TTLL5: variants seen among roughly 807,000 people sequenced by gnomAD.
The protein encoded by TTLL5 is tubulin polyglutamylase TTLL5.
TTLL5 carries 132 observed loss-of-function variants against 168.4 expected under a neutral mutation model. The observed-to-expected ratio is 0.78, with a 90% CI of 0.68 to 0.91. The LOEUF is 0.91. Ranked by LOEUF, TTLL5 falls within the 40% of genes least tolerant of loss-of-function variation. The pLI, the probability that TTLL5 is intolerant of heterozygous loss-of-function variation, is 0.00. For missense variants in TTLL5, 1,545 were observed against 1,581.5 expected (o/e 0.98, Z 0.39); for synonymous variants, 546 against 558.6 (o/e 0.98, Z 0.32).
chr14:75,802,514 A>G (rs1272899730), intron 27 of TTLL5, among the ~76,000 whole-genome samples: 1 of 152,238 alleles, frequency 6.6e-6, no homozygotes, highest in Non-Finnish European at 1.5e-5. Context: ...TTTGGCCTAC[A>G]ATTTCAACTG....
Position 75,844,161 on chromosome 14 carries a change from G to A in TTLL5, c.3327-19506G>A, listed in dbSNP as rs150900858. On this transcript the variant is annotated intron_variant, in intron 28 of 31. Coordinates refer to ENST00000298832, the MANE Select transcript of TTLL5 (RefSeq NM_015072.5). The stretch of plus-strand genomic sequence containing the variant: ...CTCCCAAAGTGCTGGGATTACAGAC[G>A]TGAGCCGCCTGGCCTGGCTCATTTT... Among the ~76,000 whole-genome samples the A allele has an allele frequency of 4.6e-4, 70 of 152,176 alleles. No individual in the cohort carries two copies. In the Middle Eastern group the frequency reaches 0.02, roughly 44 times the overall value.
chr14:75,856,610 T>C (rs1285659455), intron 28 of TTLL5, among the ~76,000 whole-genome samples: 1 of 149,404 alleles, frequency 6.7e-6, no homozygotes, highest in Non-Finnish European at 1.5e-5. Context: ...TCTCATGATA[T>C]TATAAGTTGT....
chr14:75,719,899 C>A, intron 11 of TTLL5, 73 bp downstream of exon 11: 1 of 1,468,744 alleles, frequency 6.8e-7, no homozygotes, highest in Non-Finnish European at 9.5e-7. Flanking sequence ...TGCCAGGAAT[C>A]ATTCTCTGTT....
chr14:75,920,569 G>A (rs919589218), intron 31 of TTLL5, among the ~76,000 whole-genome samples: 38 of 152,202 alleles, frequency 2.5e-4, no homozygotes, highest in African/African-American at 8.9e-4. Flanking sequence ...CCCTGCAAAG[G>A]ACATGAACTC....
chr14:75,673,286 A>G (rs1227661354), intron 3 of TTLL5, among the ~76,000 whole-genome samples: 1 of 152,148 alleles, frequency 6.6e-6, no homozygotes, highest in Non-Finnish European at 1.5e-5. Context: ...TAAAATTCCA[A>G]CTTTTGCTTT....
At chr14:75,704,737 T>C (rs80025737) in intron 7 of TTLL5, among the ~76,000 whole-genome samples, 3,701 of 152,338 alleles carry the variant, frequency 0.024, 132 homozygotes, top group African/African-American at 0.072. Flanking sequence ...AGAAACTATA[T>C]CCAAACCTTT....
intron 31 of TTLL5, among the ~76,000 whole-genome samples, chr14:75,942,114 C>T (rs921485644): frequency 2.7e-5 from 4 of 150,554 alleles, no homozygotes; most frequent in African/African-American, 4.9e-5. Context: ...ACCAGGGAGG[C>T]GGAGCTTGCA....
intron 2 of TTLL5, among the ~76,000 whole-genome samples, chr14:75,666,037 C>T (rs1168163897): frequency 6.6e-6 from 1 of 152,322 alleles, no homozygotes; most frequent in East Asian, 1.9e-4. Context: ...CCACTTCCTC[C>T]TTTTAGACTC....
Position 75,794,543 on chromosome 14 carries a change from G to C in TTLL5, c.3171+1443G>C, listed in dbSNP as rs148511792. On this transcript the variant is annotated intron_variant, in intron 27 of 31. Transcript: ENST00000298832. ...GACTGCAAAGCCTACAAAGTGAAAA[G>C]ATCCTAATCCTGTAGGAATCCAAGG... Among the ~76,000 whole-genome samples the C allele has an allele frequency of 3.9e-5, 6 of 151,976 alleles. No homozygotes were observed. In the East Asian group the frequency reaches 1.2e-3, roughly 29 times the overall value.
chr14:75,916,791 C>T (rs931616788), intron 31 of TTLL5, among the ~76,000 whole-genome samples: 2 of 152,162 alleles, frequency 1.3e-5, no homozygotes, highest in South Asian at 2.1e-4. Flanking sequence ...CCCAAGTGTC[C>T]GTCGGCAGAT....
rs748751923 is a variant in TTLL5 at position 75,764,719 on chromosome 14, G to A, written c.1655G>A (p.Arg552Gln). 5.6e-6 allele frequency: 9 copies of A among 1,614,042 alleles called. No homozygotes were observed. The highest frequency in any genetic ancestry group is 5.0e-5 in the Admixed American group (3 of 59,992). The change falls in exon 19 of 32, where the codon CGA (arginine) becomes CAA (glutamine). Residue 552 changes from arginine to glutamine, a missense_variant. By Grantham distance (43) the Arg-to-Gln change is conservative. Coordinates refer to ENST00000298832, the MANE Select transcript of TTLL5 (RefSeq NM_015072.5). The part of the protein sequence containing the change: ...YERKLLSLEV[R>Q]KRRRRSSRLR... ...AGGAAGCTCCTGTCTCTGGAGGTGC[G>A]AAAACGTAGACGACGGAGTAGCAGA...
At position 75,678,898 on chromosome 14, in the gene TTLL5, G is replaced by A. The variant is rs534203600; in HGVS notation, c.182-2647G>A. Among the ~76,000 whole-genome samples the A allele has an allele frequency of 1.7e-3, 252 of 152,224 alleles. 1 individual carries two copies. The highest frequency in any genetic ancestry group is 0.014 in the Middle Eastern group (4 of 294). On this transcript the variant is annotated intron_variant, in intron 3 of 31. Transcript: ENST00000298832. ...TGGTAAGATATTTTGAGATGTATGCGTGTCCTATTCCCTAATAGCCTCTCC... is the reference window on the plus strand; with the variant it reads ...TGGTAAGATATTTTGAGATGTATGCATGTCCTATTCCCTAATAGCCTCTCC...
chr14:75,826,522 AT>A (rs1004460492), intron 28 of TTLL5, among the ~76,000 whole-genome samples: 1 of 152,082 alleles, frequency 6.6e-6, no homozygotes, highest in South Asian at 2.1e-4. Flanking sequence ...TGGTCAAATA[AT>A]TTTTTTATTT....
intron 12 of TTLL5, among the ~76,000 whole-genome samples, chr14:75,721,071 A>G (rs1044523405): frequency 6.6e-6 from 1 of 152,144 alleles, no homozygotes; most frequent in Non-Finnish European, 1.5e-5. Flanking sequence ...TCTGGCTGGT[A>G]CCAGTATGTG....
chr14:75,775,460 C>G (rs746465175), intron 21 of TTLL5, 24 bp from the exon 22 acceptor site: 1 of 1,586,344 alleles, frequency 6.3e-7, no homozygotes, highest in South Asian at 1.2e-5. Context: ...CTTTTTTTTT[C>G]TCCCACGACT....
At chr14:75,782,866 C>T (rs1892138760) in intron 25 of TTLL5, among the ~76,000 whole-genome samples, 1 of 152,016 alleles carries the variant, frequency 6.6e-6, no homozygotes, top group Admixed American at 6.5e-5. Flanking sequence ...ATCTTGATGT[C>T]CTAACATGTG....
chr14:75,825,697 G>A (rs1895083476), intron 28 of TTLL5, among the ~76,000 whole-genome samples: 1 of 152,070 alleles, frequency 6.6e-6, no homozygotes, highest in African/African-American at 2.4e-5. Context: ...CATATTCAGA[G>A]TCCTGTAGAA....
At chr14:75,949,179 C>T (rs2034871503) in intron 31 of TTLL5, among the ~76,000 whole-genome samples, 1 of 151,898 alleles carries the variant, frequency 6.6e-6, no homozygotes, top group South Asian at 2.1e-4. Flanking sequence ...AAATCAATTA[C>T]ATTTCTATAT....
chr14:75,890,819 A>G (rs1319338694), intron 30 of TTLL5, among the ~76,000 whole-genome samples: 1 of 152,134 alleles, frequency 6.6e-6, no homozygotes, highest in African/African-American at 2.4e-5. Flanking sequence ...TCCCAGGTTC[A>G]AGCGATACTC....
Sources: gnomAD v4.1 joint callset for allele counts (sites outside exome capture counted in the v4.1 genomes callset) on GRCh38, gnomAD v4.1.1 for gene constraint, MANE v1.5 for transcripts, NCBI Gene and HGNC (gene_info 2026-07-23, HGNC 2026-07-21) for gene names.